Variants in MACROD2 observed in about 807,000 individuals in gnomAD.
MACROD2 encodes the protein mono-ADP ribosylhydrolase 2.
MACROD2 carries 36 observed loss-of-function variants against 70.4 expected under a neutral mutation model. The observed-to-expected ratio is 0.51, with a 90% confidence interval of 0.39 to 0.68. The LOEUF is 0.68. MACROD2 is among the 30% of genes least tolerant of loss of function. The probability of loss-of-function intolerance (pLI) is 0.00; values close to 1 mark genes in which losing one functional copy is unlikely to be tolerated. For missense variants in MACROD2, 496 were observed against 538.4 expected (o/e 0.92, Z 0.78); for synonymous variants, 172 against 178.8 (o/e 0.96, Z 0.30).
intron 5 of MACROD2, among the ~76,000 whole-genome samples, chr20:14,996,441 G>T (rs992990769): frequency 3.9e-5 from 6 of 152,258 alleles, no homozygotes; most frequent in African/African-American, 1.2e-4. Context: ...AGAGCGAGAT[G>T]GCTGAATAGA....
At chr20:15,756,194 A>G (rs919333941) in intron 8 of MACROD2, among the ~76,000 whole-genome samples, 1 of 152,198 alleles carries the variant, frequency 6.6e-6, no homozygotes, top group Non-Finnish European at 1.5e-5. Flanking sequence ...GCCAGCCTCA[A>G]TACAAACCCT....
At chr20:15,568,115 G>A (rs2048331964) in intron 8 of MACROD2, among the ~76,000 whole-genome samples, 1 of 152,182 alleles carries the variant, frequency 6.6e-6, no homozygotes, top group Non-Finnish European at 1.5e-5. Flanking sequence ...TTCTACATAG[G>A]AAAAGCCCTG....
In MACROD2 at chr20:15,191,929, TATAG is replaced by T. The variant is rs1386245789; in HGVS notation, c.419-38009_419-38006del. Among the ~76,000 whole-genome samples, 30 of 86,446 alleles carry T rather than the reference TATAG, an allele frequency of 3.5e-4. 2 individuals are homozygous for T. Among genetic ancestry groups the T allele is most frequent in the Admixed American group, 2.7e-3 (21 of 7,914 alleles). 56.7% of individuals were successfully genotyped at this position (86,446 alleles called of 152,430 possible). ...CTACACATATGTGTATATATATATA[TATAG>T]AGAGAGAGAGAGTTAATACATATAT... On this transcript the variant is annotated intron_variant, in intron 5 of 17. Transcript: ENST00000684519.
intron 15 of MACROD2, among the ~76,000 whole-genome samples, chr20:16,003,072 ACC>A (rs1491095615): frequency 0.02 from 595 of 29,764 alleles, 3 homozygotes; most frequent in African/African-American, 0.051. Flanking sequence ...TAGAAAACCC[ACC>A]CACCCACCCA....
In MACROD2 at chr20:14,851,054, AT is replaced by A. The variant is rs542678829; in HGVS notation, c.418+166103del. 3.8e-4 allele frequency among the ~76,000 whole-genome samples: 57 copies of A among 151,986 alleles called. 1 individual carries two copies. In the South Asian group the frequency reaches 0.011, roughly 29 times the overall value. ...AAAATAAGGCCTCATATTATTATTA[AT>A]TTTTTTTGGCCTTCTGCCTAGGAAA... On this transcript the variant is annotated intron_variant, in intron 5 of 17. Transcript: ENST00000684519.
Position 15,011,686 on chromosome 20 carries a change from C to A in MACROD2, c.419-218254C>A, listed in dbSNP as rs754863349. 1.3e-3 allele frequency among the ~76,000 whole-genome samples: 196 copies of A among 152,288 alleles called. 3 individuals carry two copies. The highest frequency in any genetic ancestry group is 2.4e-3 in the Non-Finnish European group (164 of 68,024). On this transcript the variant is annotated intron_variant, in intron 5 of 17. Transcript: ENST00000684519. ...ATGACTTAGCCCTTCCCCTCTCTCT[C>A]CATCCAGCCATGTGGTTTGTGTTGA...
intron 3 of MACROD2, among the ~76,000 whole-genome samples, chr20:14,405,593 C>T (rs760422037): frequency 2.0e-5 from 3 of 152,126 alleles, no homozygotes; most frequent in Non-Finnish European, 2.9e-5. Context: ...AGAATGGAGT[C>T]GTATCTGCTT....
At chr20:14,130,377 G>A (rs1268607518) in intron 3 of MACROD2, among the ~76,000 whole-genome samples, 2 of 152,012 alleles carry the variant, frequency 1.3e-5, no homozygotes, top group African/African-American at 4.8e-5. Flanking sequence ...GTGAAACCCC[G>A]TCTCTGCTAA....
intron 3 of MACROD2, among the ~76,000 whole-genome samples, chr20:14,149,697 G>A (rs1173463020): frequency 6.6e-6 from 1 of 152,084 alleles, no homozygotes; most frequent in Non-Finnish European, 1.5e-5. Flanking sequence ...GTGTGAGATG[G>A]TATCTCATTG....
chr20:15,602,820 T>C (rs985368449), intron 8 of MACROD2, among the ~76,000 whole-genome samples: 9 of 152,162 alleles, frequency 5.9e-5, no homozygotes, highest in African/African-American at 2.2e-4. Context: ...AAATAATTGT[T>C]GATAACCCTG....
intron 6 of MACROD2, among the ~76,000 whole-genome samples, chr20:15,332,530 G>A (rs79657930): frequency 6.6e-6 from 1 of 151,544 alleles, no homozygotes; most frequent in Non-Finnish European, 1.5e-5. Flanking sequence ...CTTTAAATAT[G>A]GGATTCCTAA....
chr20:15,746,578 A>G (rs1012676260), intron 8 of MACROD2, among the ~76,000 whole-genome samples: 5 of 151,514 alleles, frequency 3.3e-5, no homozygotes, highest in South Asian at 4.1e-4. Context: ...AAAAAAAAAA[A>G]AAAAGAAACG....
intron 5 of MACROD2, among the ~76,000 whole-genome samples, chr20:14,999,994 A>C (rs939417207): frequency 6.6e-6 from 1 of 152,342 alleles, no homozygotes. Context: ...ATATCTGTAC[A>C]AACTTTAAGC....
intron 8 of MACROD2, among the ~76,000 whole-genome samples, chr20:15,569,342 G>A (rs2146622399): frequency 6.6e-6 from 1 of 152,244 alleles, no homozygotes; most frequent in African/African-American, 2.4e-5. Context: ...ATATATAAAT[G>A]CTGTGGAAGG....
At chr20:15,858,399 G>A (rs73614471) in intron 8 of MACROD2, among the ~76,000 whole-genome samples, 1,923 of 152,200 alleles carry the variant, frequency 0.013, 69 homozygotes, top group East Asian at 0.1. Context: ...CTTTGTACAA[G>A]TCAGATTTCC....
chr20:14,095,471 T>G (rs1011042016), intron 3 of MACROD2, among the ~76,000 whole-genome samples: 1 of 152,180 alleles, frequency 6.6e-6, no homozygotes, highest in South Asian at 2.1e-4. Flanking sequence ...AAGAGGCATA[T>G]TTAACAGATG....
intron 6 of MACROD2, among the ~76,000 whole-genome samples, chr20:15,263,755 G>C (rs1426550077): frequency 6.6e-6 from 1 of 151,830 alleles, no homozygotes; most frequent in Non-Finnish European, 1.5e-5. Flanking sequence ...CACTTCTTTG[G>C]CTAAGTTAGT....
At chr20:14,760,827 A>C (rs191282496) in intron 5 of MACROD2, among the ~76,000 whole-genome samples, 1 of 152,066 alleles carries the variant, frequency 6.6e-6, no homozygotes, top group Non-Finnish European at 1.5e-5. Flanking sequence ...TCACATTTTT[A>C]CTAGCAATTT....
chr20:15,923,800 G>A (rs1174319006), intron 10 of MACROD2, among the ~76,000 whole-genome samples: 1 of 151,730 alleles, frequency 6.6e-6, no homozygotes, highest in Non-Finnish European at 1.5e-5. Context: ...GCCTAAAGGT[G>A]TGTGGTTTCT....
Sources: gnomAD v4.1 joint callset for allele counts (sites outside exome capture counted in the v4.1 genomes callset) on GRCh38, gnomAD v4.1.1 for gene constraint, MANE v1.5 for transcripts, NCBI Gene and HGNC (gene_info 2026-07-23, HGNC 2026-07-21) for gene names.